The following FNBP4 variants were observed in gnomAD, a reference collection of about 807,000 sequenced individuals.
FNBP4 encodes formin binding protein 4.
FNBP4 carries 34 observed loss-of-function variants against 119.3 expected under a neutral mutation model. The ratio of observed to expected loss-of-function variants is 0.28; its 90% CI spans 0.22 to 0.38. The LOEUF (loss-of-function observed/expected upper bound fraction) is 0.38, where lower values mean the gene tolerates loss of function less well. FNBP4 is among the 10% of genes least tolerant of loss of function. The pLI is 1.00. For synonymous variants in FNBP4, 462 were observed against 430.6 expected (o/e 1.07, Z -0.90); for missense variants, 1,112 against 1,228.9 (o/e 0.90, Z 1.42).
intron 2 of FNBP4, among the ~76,000 whole-genome samples, chr11:47,760,689 C>T (rs1356549444): frequency 2.0e-5 from 3 of 152,128 alleles, no homozygotes; most frequent in Non-Finnish European, 4.4e-5. Flanking sequence ...CCGCTTCAGG[C>T]TCCCAAAGTG....
At chr11:47,744,186 G>T in intron 7 of FNBP4, 23 bp from the exon 8 acceptor site, 1 of 1,575,194 alleles carries the variant, frequency 6.3e-7, no homozygotes, top group Non-Finnish European at 8.7e-7. Context: ...TGACAATTAA[G>T]TTAGTGTCAT....
chr11:47,756,582 A>T (rs961217344), intron 2 of FNBP4, among the ~76,000 whole-genome samples: 1 of 152,090 alleles, frequency 6.6e-6, no homozygotes, highest in Admixed American at 6.6e-5. Context: ...TCTAAGGTAC[A>T]TGTGCACAAT....
At chr11:47,743,675 C>G (rs1019906671) in intron 8 of FNBP4, 12 of 421,676 alleles carry the variant, frequency 2.8e-5, no homozygotes, top group Non-Finnish European at 5.2e-5. Context: ...TCTCTACCCA[C>G]CCACACAGAG....
intron 2 of FNBP4, among the ~76,000 whole-genome samples, chr11:47,761,245 T>TA (rs1192533440): frequency 6.6e-6 from 1 of 152,138 alleles, no homozygotes; most frequent in East Asian, 1.9e-4. Flanking sequence ...GGAATGAAGT[T>TA]AGAGTAACAC....
intron 8 of FNBP4, among the ~76,000 whole-genome samples, chr11:47,740,567 C>A (rs1308291443): frequency 6.6e-6 from 1 of 151,074 alleles, no homozygotes; most frequent in Non-Finnish European, 1.5e-5. Flanking sequence ...TCCTCATGGA[C>A]AGATCTTTAA....
At chr11:47,759,429 C>T (rs552438715) in intron 2 of FNBP4, among the ~76,000 whole-genome samples, 23 of 148,818 alleles carry the variant, frequency 1.5e-4, no homozygotes, top group South Asian at 6.5e-4. Flanking sequence ...GGCCAGGCTG[C>T]TCTCGCACTC....
At chr11:47,734,985 C>CA (rs1310071874) in intron 9 of FNBP4, among the ~76,000 whole-genome samples, 19 of 111,734 alleles carry the variant, frequency 1.7e-4, no homozygotes, top group African/African-American at 4.1e-4. Context: ...AACACCCCCC[C>CA]CCCCAAAAAA....
chr11:47,746,050 G>A lies in FNBP4; in HGVS notation c.1245+6C>T. 3 of 1,586,774 alleles carry A rather than the reference G, an allele frequency of 1.9e-6. No homozygotes were observed. The East Asian group carries it at 6.7e-5, about 35-fold the overall frequency. On this transcript the variant is annotated splice_donor_region_variant and intron_variant, in intron 7 of 16. Transcript: ENST00000263773. Reference sequence around the variant, plus strand: ...AACATTCTACAAGTAACTTTCAAAAGCTTACTTTTTTCCTTTCCAAAACTA... The same window carrying A: ...AACATTCTACAAGTAACTTTCAAAAACTTACTTTTTTCCTTTCCAAAACTA...
At chr11:47,733,014 A>T (rs2097569258) in intron 10 of FNBP4, among the ~76,000 whole-genome samples, 1 of 152,114 alleles carries the variant, frequency 6.6e-6, no homozygotes, top group South Asian at 2.1e-4. Flanking sequence ...GCTACTCGAG[A>T]GGCTGAGGCA....
chr11:47,732,440 G>A lies in FNBP4; in HGVS notation c.1820+97C>T. The stretch of plus-strand genomic sequence containing the variant: ...GCACCGCTAACTGCAGCTGCTCTCA[G>A]TCTCCAGACAGGCTGTCATGTCGTC... On this transcript the variant is annotated intron_variant, in intron 11 of 16. Transcript: ENST00000263773. This position sits in a 1 kb window ranked among gnomAD's most constrained non-coding sequence, Gnocchi z 4.2. 1 of 1,574,952 alleles carries A rather than the reference G, an allele frequency of 6.3e-7. No homozygotes were observed. The highest frequency in any genetic ancestry group is 1.2e-5 in the South Asian group (1 of 84,100).
chr11:47,726,062 A>G (rs1453783169), intron 12 of FNBP4: 1 of 152,054 alleles, frequency 6.6e-6, no homozygotes, highest in Non-Finnish European at 1.5e-5. Flanking sequence ...TAGACATCTC[A>G]GTCAAAAAAA....
At chr11:47,735,560 C>A (rs1396972677) in intron 9 of FNBP4, among the ~76,000 whole-genome samples, 1 of 152,148 alleles carries the variant, frequency 6.6e-6, no homozygotes, top group East Asian at 1.9e-4. Flanking sequence ...ACTTTTCTCC[C>A]AAACTAGAGA....
chr11:47,745,515 G>A (rs1052237032), intron 7 of FNBP4, among the ~76,000 whole-genome samples: 5 of 152,008 alleles, frequency 3.3e-5, no homozygotes, highest in African/African-American at 1.2e-4. Context: ...TAAGTCTGTG[G>A]TCAGACTGAT....
intron 15 of FNBP4, among the ~76,000 whole-genome samples, chr11:47,721,311 GC>G (rs918412424): frequency 1.3e-5 from 2 of 151,706 alleles, no homozygotes; most frequent in Admixed American, 6.6e-5. Flanking sequence ...CATCAATGGG[GC>G]GAGGCATGGT....
At chr11:47,752,606 C>T (rs1209736790) in intron 4 of FNBP4, 4 of 202,820 alleles carry the variant, frequency 2.0e-5, no homozygotes, top group African/African-American at 6.9e-5. Flanking sequence ...CTCAGGAGTT[C>T]GAGACCAGCC....
chr11:47,763,964 T>G (rs556865603), intron 2 of FNBP4, among the ~76,000 whole-genome samples: 1 of 152,306 alleles, frequency 6.6e-6, no homozygotes, highest in East Asian at 1.9e-4. Flanking sequence ...GGCTTGAATG[T>G]GCCCCTAAAA....
At chr11:47,736,877 C>CTGA in intron 8 of FNBP4, 137 bp from the exon 9 acceptor site, 3 of 836,668 alleles carry the variant, frequency 3.6e-6, no homozygotes, top group Non-Finnish European at 3.6e-6. Context: ...TGTTAAAACT[C>CTGA]TTCAAACATG....
chr11:47,766,169 C>T (rs2097647422), intron 1 of FNBP4, among the ~76,000 whole-genome samples: 1 of 152,014 alleles, frequency 6.6e-6, no homozygotes, highest in Non-Finnish European at 1.5e-5. Flanking sequence ...CAAAAATTAG[C>T]CGGGCATGGT....
At chr11:47,760,245 T>C (rs1399838097) in intron 2 of FNBP4, among the ~76,000 whole-genome samples, 1 of 149,318 alleles carries the variant, frequency 6.7e-6, no homozygotes, top group African/African-American at 2.5e-5. Context: ...AGAGACATCA[T>C]AAATTGATCA....
Sources: allele counts gnomAD v4.1 joint callset (sites outside exome capture counted in the v4.1 genomes callset), GRCh38; gene constraint gnomAD v4.1.1; non-coding constraint Gnocchi (gnomAD v3.1); transcripts MANE v1.5; gene names NCBI Gene and HGNC (gene_info 2026-07-23, HGNC 2026-07-21).